Variants in SLC7A1 observed in about 807,000 individuals in gnomAD.
The protein encoded by SLC7A1 is solute carrier family 7 member 1.
Under a neutral mutation model 53.9 loss-of-function variants are expected in SLC7A1, and 10 were observed. That is an observed-to-expected ratio of 0.19 (90% CI 0.11 to 0.31). SLC7A1 has a LOEUF of 0.31. Among genes scored for constraint, SLC7A1 ranks in the 10% least tolerant of loss-of-function variants. SLC7A1 has a pLI of 1.00. For synonymous variants in SLC7A1, 342 were observed against 338.7 expected, an observed-to-expected ratio of 1.01 and a Z score of -0.11; for missense variants, 525 against 827.2, an observed-to-expected ratio of 0.63 and a Z score of 4.48.
At chr13:29,548,820 C>T (rs551138977) in intron 2 of SLC7A1, among the ~76,000 whole-genome samples, 3 of 152,216 alleles carry the variant, frequency 2.0e-5, no homozygotes, top group East Asian at 1.9e-4. Context: ...CTGACACACA[C>T]GTAAAACACA....
intron 1 of SLC7A1, among the ~76,000 whole-genome samples, chr13:29,555,566 C>T (rs819390): frequency 0.013 from 1,932 of 151,130 alleles, 36 homozygotes; most frequent in African/African-American, 0.045. Context: ...AAGTCAGGCT[C>T]ACAGCCCACC....
rs565734188 is a variant in SLC7A1 at position 29,562,011 on chromosome 13, G to A, written c.-114-8151C>T. 3.9e-5 allele frequency among the ~76,000 whole-genome samples: 6 copies of A among 152,322 alleles called. No individual in the cohort carries two copies. The South Asian group carries it at 6.2e-4, about 16-fold the overall frequency. ...CTGCAGTAATACAGAGTAATGGCAAGGCTCACAAATGGATGGTACTAGAAA... is the reference window on the plus strand; with the variant it reads ...CTGCAGTAATACAGAGTAATGGCAAAGCTCACAAATGGATGGTACTAGAAA... On this transcript the variant is annotated intron_variant, in intron 1 of 12. Transcript: ENST00000380752.
At chr13:29,522,650 C>T (rs61948793) in intron 7 of SLC7A1, among the ~76,000 whole-genome samples, 194 bp from the exon 8 acceptor site, 111 of 152,300 alleles carry the variant, frequency 7.3e-4, no homozygotes, top group South Asian at 1.7e-3. Flanking sequence ...AGAGCACACA[C>T]TGTGAATAAG....
Position 29,536,039 on chromosome 13 carries a change from G to A in SLC7A1, c.150C>T (p.Val50=). The change falls in exon 3 of 13, where the codon GTC becomes GTT. Residue 50 remains valine (V), a synonymous_variant. Coordinates refer to ENST00000380752, the MANE Select transcript of SLC7A1 (RefSeq NM_003045.5). ...LGVGSTLGAG[V]YVLAGAVARE... Reference sequence around the variant, plus strand: ...GGGCCACAGCTCCAGCCAGGACGTAGACACCAGCACCCAGTGTGCTGCCCA... The same window carrying A: ...GGGCCACAGCTCCAGCCAGGACGTAAACACCAGCACCCAGTGTGCTGCCCA... The A allele has an allele frequency of 6.2e-7, 1 of 1,613,984 alleles. No individual in the cohort carries two copies. Among genetic ancestry groups the A allele is most frequent in the Non-Finnish European group, 8.5e-7 (1 of 1,180,028 alleles).
chr13:29,574,643 C>CTT (rs60597221), intron 1 of SLC7A1, among the ~76,000 whole-genome samples: 1,446 of 121,874 alleles, frequency 0.012, 54 homozygotes, highest in African/African-American at 0.035. Context: ...GCAGCTAATG[C>CTT]TTTTTTTTTT....
At chr13:29,571,351 AAACAT>A (rs1286228548) in intron 1 of SLC7A1, among the ~76,000 whole-genome samples, 1 of 152,248 alleles carries the variant, frequency 6.6e-6, no homozygotes, top group Non-Finnish European at 1.5e-5. Flanking sequence ...AAAATTATAA[AAACAT>A]AACATAATGA....
intron 2 of SLC7A1, among the ~76,000 whole-genome samples, chr13:29,539,667 C>G (rs1566261299): frequency 2.0e-5 from 3 of 152,160 alleles, no homozygotes; most frequent in Admixed American, 1.3e-4. Context: ...TCCCCCACAC[C>G]AAGCCCAGGG....
intron 8 of SLC7A1, among the ~76,000 whole-genome samples, chr13:29,522,029 A>G (rs1171054903): frequency 1.3e-5 from 2 of 152,218 alleles, no homozygotes; most frequent in African/African-American, 4.8e-5. Context: ...ACGTCCAGAA[A>G]TGGGGAGAAA....
intron 1 of SLC7A1, among the ~76,000 whole-genome samples, chr13:29,573,098 T>G (rs1251309037): frequency 6.6e-6 from 1 of 152,222 alleles, no homozygotes; most frequent in Non-Finnish European, 1.5e-5. Context: ...ATTTGTGCTC[T>G]AAAAACACAA....
At chr13:29,579,317 C>T (rs1871543904) in intron 1 of SLC7A1, among the ~76,000 whole-genome samples, 1 of 152,064 alleles carries the variant, frequency 6.6e-6, no homozygotes, top group South Asian at 2.1e-4. Context: ...GATCTGACAC[C>T]AGGAAACGGC....
At chr13:29,557,671 AAT>A in intron 1 of SLC7A1, among the ~76,000 whole-genome samples, 1 of 133,560 alleles carries the variant, frequency 7.5e-6, no homozygotes, top group Non-Finnish European at 1.6e-5. Context: ...AGTGAATGTG[AAT>A]GAGGGAGAGT....
At chr13:29,567,568 G>A (rs541338651) in intron 1 of SLC7A1, among the ~76,000 whole-genome samples, 2 of 152,210 alleles carry the variant, frequency 1.3e-5, no homozygotes, top group Non-Finnish European at 2.9e-5. Context: ...GGGCTTGGCC[G>A]CAGCCTTTTC....
chr13:29,573,410 C>T (rs769270430), intron 1 of SLC7A1, among the ~76,000 whole-genome samples: 11 of 152,194 alleles, frequency 7.2e-5, no homozygotes, highest in Non-Finnish European at 1.5e-4. Flanking sequence ...GGGAACACCA[C>T]ACTCTGGCAG....
chr13:29,565,889 G>A (rs954036952), intron 1 of SLC7A1, among the ~76,000 whole-genome samples: 3 of 152,186 alleles, frequency 2.0e-5, no homozygotes, highest in Admixed American at 2.0e-4. Context: ...CATCTATACA[G>A]AGAAGGGATC....
chr13:29,527,359 A>G (rs1868944543), intron 5 of SLC7A1, among the ~76,000 whole-genome samples: 1 of 152,196 alleles, frequency 6.6e-6, no homozygotes, highest in Non-Finnish European at 1.5e-5. Context: ...AAAAAGTTAA[A>G]TTCCACCTTT....
chr13:29,522,048 G>A (rs796473713), intron 8 of SLC7A1, among the ~76,000 whole-genome samples: 60 of 152,292 alleles, frequency 3.9e-4, no homozygotes, highest in African/African-American at 1.2e-3. Flanking sequence ...AAAGGTTTTC[G>A]AATACTGTGT....
chr13:29,537,445 A>C (rs1021628364), intron 2 of SLC7A1, among the ~76,000 whole-genome samples: 3 of 152,222 alleles, frequency 2.0e-5, no homozygotes, highest in Non-Finnish European at 2.9e-5. Context: ...AGCCTAGAGG[A>C]GCTAAGGAGA....
At chr13:29,576,879 A>G (rs1871435708) in intron 1 of SLC7A1, among the ~76,000 whole-genome samples, 1 of 152,240 alleles carries the variant, frequency 6.6e-6, no homozygotes, top group Non-Finnish European at 1.5e-5. Context: ...ACAGCCGGTC[A>G]GCACCAGAGA....
intron 1 of SLC7A1, among the ~76,000 whole-genome samples, chr13:29,565,118 T>C (rs980486430): frequency 6.6e-6 from 1 of 152,228 alleles, no homozygotes; most frequent in Non-Finnish European, 1.5e-5. Context: ...TAAAGAATTA[T>C]CTAATTAATG....
Sources: allele counts gnomAD v4.1 joint callset (sites outside exome capture counted in the v4.1 genomes callset), GRCh38; gene constraint gnomAD v4.1.1; transcripts MANE v1.5; gene names NCBI Gene and HGNC (gene_info 2026-07-23, HGNC 2026-07-21).